Variants in TSPAN9 observed in about 807,000 individuals in gnomAD.
The protein encoded by TSPAN9 is tetraspanin-9.
Under a neutral mutation model 31.0 loss-of-function variants are expected in TSPAN9, and 16 were observed. That is an observed-to-expected ratio of 0.52 (90% CI 0.35 to 0.78). The LOEUF (loss-of-function observed/expected upper bound fraction) is 0.78, where lower values mean the gene tolerates loss of function less well. TSPAN9 is among the 30% of genes least tolerant of loss of function. The pLI is 0.01. For missense variants in TSPAN9, 272 were observed against 312.5 expected, an observed-to-expected ratio of 0.87 and a Z score of 0.98; for synonymous variants, 145 against 121.6, an observed-to-expected ratio of 1.19 and a Z score of -1.27.
intron 2 of TSPAN9, among the ~76,000 whole-genome samples, chr12:3,129,179 T>G (rs1326647653): frequency 6.6e-6 from 1 of 152,216 alleles, no homozygotes; most frequent in African/African-American, 2.4e-5. Flanking sequence ...GATGGACATT[T>G]GGGTGTTTCT....
intron 3 of TSPAN9, among the ~76,000 whole-genome samples, chr12:3,218,838 A>G (rs1341368375): frequency 2.6e-5 from 4 of 151,914 alleles, no homozygotes; most frequent in Non-Finnish European, 5.9e-5. Context: ...CTGGGTCATT[A>G]AAAAAAACAA....
intron 3 of TSPAN9, among the ~76,000 whole-genome samples, chr12:3,209,674 C>T (rs544508076): frequency 1.7e-4 from 26 of 150,288 alleles, no homozygotes; most frequent in Non-Finnish European, 3.0e-4. Flanking sequence ...CGTTTCTAAG[C>T]GTGGGCCGGG....
chr12:3,121,533 C>CG (rs1426241959), intron 2 of TSPAN9, among the ~76,000 whole-genome samples: 2,183 of 92,770 alleles, frequency 0.024, 166 homozygotes, highest in African/African-American at 0.029. Context: ...CTAATTAAAA[C>CG]TTTTTTTTTT....
rs538213794 is a variant in TSPAN9 at position 3,250,748 on chromosome 12, C to T, written c.64-27673C>T. On this transcript the variant is annotated intron_variant, in intron 3 of 8. Coordinates refer to ENST00000011898, the MANE Select transcript of TSPAN9 (RefSeq NM_006675.5). ...AGTGTCCATGACACCAGAACCCTTT[C>T]CTGGTCCTGTGACGGAGCGCCAGAG... Among the ~76,000 whole-genome samples the T allele has an allele frequency of 3.9e-5, 6 of 152,360 alleles. No homozygotes were observed. In the East Asian group the frequency reaches 1.2e-3, roughly 29 times the overall value.
chr12:3,279,490 C>G (rs1862856533), intron 5 of TSPAN9, among the ~76,000 whole-genome samples: 1 of 152,238 alleles, frequency 6.6e-6, no homozygotes, highest in Non-Finnish European at 1.5e-5. Flanking sequence ...GCGACGCTGG[C>G]TGAGCAGGAC....
chr12:3,116,446 A>G (rs1388495584), intron 2 of TSPAN9, among the ~76,000 whole-genome samples: 1 of 152,162 alleles, frequency 6.6e-6, no homozygotes, highest in Non-Finnish European at 1.5e-5. Context: ...AATGCTTGTG[A>G]AGTGCTGGGG....
At chr12:3,148,706 A>T (rs1383195152) in intron 2 of TSPAN9, among the ~76,000 whole-genome samples, 6 of 151,572 alleles carry the variant, frequency 4.0e-5, no homozygotes. Context: ...CTCATATTCC[A>T]CTCCTTACAG....
intron 2 of TSPAN9, among the ~76,000 whole-genome samples, chr12:3,085,155 G>A (rs2098299806): frequency 6.6e-6 from 1 of 151,884 alleles, no homozygotes; most frequent in South Asian, 2.1e-4. Flanking sequence ...GGCTGAGGCA[G>A]GAGTTCAAGA....
rs552079578 is a variant in TSPAN9 at position 3,086,588 on chromosome 12, G to C, written c.-18+2869G>C. ...TCCAGGGGGTCCGAAGAGTCAGGAAGCTCAGTAAGTGCCCCCTGAAATCCT... is the reference window on the plus strand; with the variant it reads ...TCCAGGGGGTCCGAAGAGTCAGGAACCTCAGTAAGTGCCCCCTGAAATCCT... On this transcript the variant is annotated intron_variant, in intron 2 of 8. Transcript: ENST00000011898. 1.1e-4 allele frequency among the ~76,000 whole-genome samples: 17 copies of C among 149,816 alleles called. No homozygotes were observed. The South Asian group carries it at 3.1e-3, about 27-fold the overall frequency.
intron 2 of TSPAN9, among the ~76,000 whole-genome samples, chr12:3,101,099 G>A (rs1033431166): frequency 3.3e-5 from 5 of 152,184 alleles, no homozygotes; most frequent in Non-Finnish European, 5.9e-5. Context: ...CTGGGAGAAC[G>A]GAAACTACAC....
At chr12:3,114,842 CAA>C (rs34841785) in intron 2 of TSPAN9, among the ~76,000 whole-genome samples, 54 of 73,712 alleles carry the variant, frequency 7.3e-4, no homozygotes, top group African/African-American at 6.2e-4. Context: ...GGCTCCATCT[CAA>C]AAAAAAAAAA....
chr12:3,132,756 C>T lies in TSPAN9; in HGVS notation c.-18+49037C>T, dbSNP rs574954405. Among the ~76,000 whole-genome samples, 112 of 152,302 alleles carry T rather than the reference C, an allele frequency of 7.4e-4. 2 individuals carry two copies. The highest frequency in any genetic ancestry group is 2.6e-3 in the African/African-American group (109 of 41,562). On this transcript the variant is annotated intron_variant, in intron 2 of 8. Coordinates refer to ENST00000011898, the MANE Select transcript of TSPAN9 (RefSeq NM_006675.5). Reference sequence around the variant, plus strand: ...TTCCTATTCAGTCTCCTCTGAAAGGCGCCACCCCTCCCCAGCCCATGAAGC... The same window carrying T: ...TTCCTATTCAGTCTCCTCTGAAAGGTGCCACCCCTCCCCAGCCCATGAAGC...
chr12:3,280,267 C>A lies in TSPAN9; in HGVS notation c.331-115C>A. The A allele has an allele frequency of 1.1e-6, 1 of 924,748 alleles. No homozygotes were observed. The highest frequency in any genetic ancestry group is 1.7e-6 in the Non-Finnish European group (1 of 596,776). The allele number at this position is 924,748 out of a possible 1,614,324, so 57.3% of individuals were successfully genotyped here. A position where few individuals can be genotyped will look rare whatever the true frequency, so the allele number is the denominator to read the frequency against. ...CAGGGCCTTCCAGACCAGCTGCCTT[C>A]CCTGCCTTCCTCACTCCTCATCTGT... On this transcript the variant is annotated intron_variant, in intron 5 of 8. Transcript: ENST00000011898. The surrounding 1 kb of genome is among the most constrained non-coding windows in gnomAD (Gnocchi z 4.5).
intron 5 of TSPAN9, 105 bp downstream of exon 5, chr12:3,279,171 G>A: frequency 9.9e-7 from 1 of 1,010,386 alleles, no homozygotes; most frequent in Non-Finnish European, 1.6e-6. Context: ...GTGCTGGCAA[G>A]CAGCACCTGT....
chr12:3,129,680 C>T (rs1428131143), intron 2 of TSPAN9, among the ~76,000 whole-genome samples: 2 of 152,196 alleles, frequency 1.3e-5, no homozygotes, highest in Non-Finnish European at 2.9e-5. Context: ...TAGGACTTGG[C>T]CTAGTGTCTG....
chr12:3,101,933 G>T (rs987374282), intron 2 of TSPAN9, among the ~76,000 whole-genome samples: 2 of 152,088 alleles, frequency 1.3e-5, no homozygotes, highest in Non-Finnish European at 1.5e-5. Context: ...CTGTTCATCC[G>T]CTCCTTTCTC....
chr12:3,250,622 C>A (rs1862230426), intron 3 of TSPAN9, among the ~76,000 whole-genome samples: 1 of 152,242 alleles, frequency 6.6e-6, no homozygotes, highest in Non-Finnish European at 1.5e-5. Context: ...GCCCAAGACG[C>A]CCTGTCCTTC....
At chr12:3,245,084 G>A (rs960955842) in intron 3 of TSPAN9, among the ~76,000 whole-genome samples, 26 of 152,168 alleles carry the variant, frequency 1.7e-4, no homozygotes, top group African/African-American at 4.8e-4. Flanking sequence ...AGACCACCAC[G>A]TCCCCAGGTA....
intron 3 of TSPAN9, among the ~76,000 whole-genome samples, chr12:3,242,530 T>C (rs2098397100): frequency 1.3e-5 from 2 of 152,248 alleles, no homozygotes; most frequent in South Asian, 4.1e-4. Context: ...CTGGGTCCCC[T>C]GGTGGCCAGG....
Sources: allele counts gnomAD v4.1 joint callset (sites outside exome capture counted in the v4.1 genomes callset), GRCh38; gene constraint gnomAD v4.1.1; non-coding constraint Gnocchi (gnomAD v3.1); transcripts MANE v1.5; gene names NCBI Gene and HGNC (gene_info 2026-07-23, HGNC 2026-07-21).